RBMS3: variants seen among roughly 807,000 people sequenced by gnomAD.
The protein encoded by RBMS3 is RNA binding motif single stranded interacting protein 3.
RBMS3 carries 27 observed loss-of-function variants against 66.8 expected under a neutral mutation model. The ratio of observed to expected loss-of-function variants is 0.40; its 90% CI spans 0.30 to 0.56. The LOEUF (loss-of-function observed/expected upper bound fraction) is 0.56. RBMS3 is among the 20% of genes least tolerant of loss of function. The probability of loss-of-function intolerance (pLI) is 0.40; values close to 1 mark genes in which losing one functional copy is unlikely to be tolerated. For missense variants in RBMS3, 513 were observed against 549.5 expected (o/e 0.93, Z 0.66); for synonymous variants, 188 against 183.0 (o/e 1.03, Z -0.22).
chr3:29,895,604 T>C (rs1190734689), intron 8 of RBMS3, among the ~76,000 whole-genome samples: 1 of 151,566 alleles, frequency 6.6e-6, no homozygotes, highest in East Asian at 1.9e-4. Context: ...TTGTGTTCCA[T>C]TGTATTGATG....
intron 4 of RBMS3, among the ~76,000 whole-genome samples, chr3:29,612,818 T>C (rs1458533981): frequency 6.6e-6 from 1 of 152,194 alleles, no homozygotes; most frequent in Non-Finnish European, 1.5e-5. Context: ...TGGAGAATTA[T>C]ATTCCAAACA....
intron 7 of RBMS3, among the ~76,000 whole-genome samples, chr3:29,869,774 A>G (rs1013007577): frequency 2.0e-5 from 3 of 152,280 alleles, no homozygotes; most frequent in East Asian, 1.9e-4. Context: ...AAAAAATGCT[A>G]TTTTGTACCA....
chr3:29,550,389 G>A (rs918999837), intron 3 of RBMS3, among the ~76,000 whole-genome samples: 2 of 152,042 alleles, frequency 1.3e-5, no homozygotes, highest in Non-Finnish European at 2.9e-5. Flanking sequence ...TTTAGTATAA[G>A]TATGTCCCAT....
intron 1 of RBMS3, among the ~76,000 whole-genome samples, chr3:29,423,233 A>G (rs1296429947): frequency 6.6e-6 from 1 of 152,212 alleles, no homozygotes; most frequent in African/African-American, 2.4e-5. Flanking sequence ...AAAGAGAGAC[A>G]CATTTACTCT....
intron 4 of RBMS3, among the ~76,000 whole-genome samples, chr3:29,697,668 G>A (rs1428849071): frequency 1.3e-5 from 2 of 152,198 alleles, no homozygotes; most frequent in Non-Finnish European, 2.9e-5. Context: ...TGGGACCCAT[G>A]TCTAAACACA....
At chr3:29,811,587 G>T (rs1326232786) in intron 6 of RBMS3, among the ~76,000 whole-genome samples, 3 of 152,270 alleles carry the variant, frequency 2.0e-5, no homozygotes, top group African/African-American at 7.2e-5. Context: ...ATGCTGAAGA[G>T]AAGGCATGAG....
chr3:29,777,145 C>T (rs1317909154), intron 6 of RBMS3, among the ~76,000 whole-genome samples: 2 of 151,846 alleles, frequency 1.3e-5, no homozygotes, highest in Non-Finnish European at 2.9e-5. Flanking sequence ...TTCTGTTCAA[C>T]TACAATACTT....
rs1699806063 is a variant in RBMS3 at position 30,006,482 on chromosome 3, G to C, written c.*2620G>C. The C allele has an allele frequency of 6.6e-6, 1 of 151,900 alleles. No homozygotes were observed. Among genetic ancestry groups the C allele is most frequent in the African/African-American group, 2.4e-5 (1 of 41,422 alleles). 9.4% of individuals were successfully genotyped at this position (151,900 alleles called of 1,614,324 possible). A position where few individuals can be genotyped will look rare whatever the true frequency, so the allele number is the denominator to read the frequency against. The stretch of plus-strand genomic sequence containing the variant: ...CACCATTATGGTTTTTCATGCTTTA[G>C]AGAAAATGCTAGATTTATACTGTCT... On this transcript the variant is annotated 3_prime_UTR_variant, in exon 15 of 15. Coordinates refer to ENST00000383767, the MANE Select transcript of RBMS3 (RefSeq NM_001003793.3).
intron 6 of RBMS3, among the ~76,000 whole-genome samples, chr3:29,800,845 CTT>C (rs2057366527): frequency 6.6e-6 from 1 of 151,930 alleles, no homozygotes; most frequent in South Asian, 2.1e-4. Flanking sequence ...GTATTTTGCT[CTT>C]TTATAGGATT....
rs780437714 is a variant in RBMS3 at position 29,621,367 on chromosome 3, G to A, written c.399+34162G>A. Among the ~76,000 whole-genome samples, 18 of 152,064 alleles carry A rather than the reference G, an allele frequency of 1.2e-4. No individual in the cohort carries two copies. In the East Asian group the frequency reaches 1.7e-3, roughly 15 times the overall value. On this transcript the variant is annotated intron_variant, in intron 4 of 14. Transcript: ENST00000383767. Reference sequence around the variant, plus strand: ...ATGTAGTTATAAAGGATGAACTTTCGAAAATTGAAACAGTCTTCTCTTCAG... The same window carrying A: ...ATGTAGTTATAAAGGATGAACTTTCAAAAATTGAAACAGTCTTCTCTTCAG...
At chr3:29,777,160 T>C (rs2149403801) in intron 6 of RBMS3, among the ~76,000 whole-genome samples, 1 of 152,044 alleles carries the variant, frequency 6.6e-6, no homozygotes, top group South Asian at 2.1e-4. Context: ...ATACTTTTCA[T>C]GCAGATTTTC....
At chr3:29,655,873 A>C (rs959596875) in intron 4 of RBMS3, among the ~76,000 whole-genome samples, 2 of 152,000 alleles carry the variant, frequency 1.3e-5, no homozygotes, top group African/African-American at 2.4e-5. Context: ...GGACAGTGAT[A>C]CTGAACCTGA....
rs1291056666 is a variant in RBMS3, at chr3:29,739,833, A to G, written c.513A>G (p.Ile171Met). The G allele has an allele frequency of 2.5e-6, 4 of 1,612,670 alleles. No individual in the cohort carries two copies. The Admixed American group carries it at 6.7e-5, about 27-fold the overall frequency. Residue 171 changes from isoleucine to methionine, a missense_variant, in exon 5 of 15, where the codon ATA becomes ATG. Ile to Met is a conservative substitution (Grantham distance 10). Transcript: ENST00000383767. ...TTGGACATGTCATTTCCACAAGAAT[A>G]CTAAGAGACGCTAATGGAGTCAGCA... ...KPFGHVISTRILRDANGVSRG... is the reference protein window; with the variant it reads ...KPFGHVISTRMLRDANGVSRG...
chr3:29,826,659 G>T (rs1324758340), intron 6 of RBMS3, among the ~76,000 whole-genome samples: 1 of 152,098 alleles, frequency 6.6e-6, no homozygotes, highest in Non-Finnish European at 1.5e-5. Flanking sequence ...TGCTCCAGGA[G>T]ATAATCTAAT....
chr3:29,553,653 C>G (rs2046249130), intron 3 of RBMS3, among the ~76,000 whole-genome samples: 1 of 151,898 alleles, frequency 6.6e-6, no homozygotes, highest in Admixed American at 6.6e-5. Flanking sequence ...AAACAGGGCA[C>G]CTAGTGATGC....
chr3:29,663,217 C>T (rs181675013), intron 4 of RBMS3, among the ~76,000 whole-genome samples: 1 of 152,072 alleles, frequency 6.6e-6, no homozygotes, highest in Non-Finnish European at 1.5e-5. Flanking sequence ...AGTTTTAAAT[C>T]ATCTTCATGA....
chr3:29,778,636 T>C (rs1359300942), intron 6 of RBMS3, among the ~76,000 whole-genome samples: 1 of 151,856 alleles, frequency 6.6e-6, no homozygotes, highest in Non-Finnish European at 1.5e-5. Flanking sequence ...GTAAATGGGC[T>C]GATTGACCCC....
At chr3:29,879,325 T>C (rs765039766) in intron 7 of RBMS3, among the ~76,000 whole-genome samples, 44 of 152,186 alleles carry the variant, frequency 2.9e-4, no homozygotes, top group Non-Finnish European at 5.3e-4. Flanking sequence ...GTTTATGTCA[T>C]CATAATTTTA....
chr3:29,876,270 C>A (rs1382008534), intron 7 of RBMS3, among the ~76,000 whole-genome samples: 1 of 152,100 alleles, frequency 6.6e-6, no homozygotes, highest in African/African-American at 2.4e-5. Flanking sequence ...CAGTAATAAG[C>A]TTGCTTCCCT....
Sources: allele counts gnomAD v4.1 joint callset (sites outside exome capture counted in the v4.1 genomes callset), GRCh38; gene constraint gnomAD v4.1.1; transcripts MANE v1.5; gene names NCBI Gene and HGNC (gene_info 2026-07-23, HGNC 2026-07-21).